GRM7: variants seen among roughly 807,000 people sequenced by gnomAD.
GRM7 encodes the protein glutamate metabotropic receptor 7.
In GRM7, 35 loss-of-function variants were observed where a neutral mutation model predicts 84.5. That is an observed-to-expected ratio of 0.41 (90% CI 0.32 to 0.55). GRM7 has a LOEUF of 0.55. GRM7 is among the 20% of genes least tolerant of loss of function. The probability of loss-of-function intolerance (pLI) is 0.19; values close to 1 mark genes in which losing one functional copy is unlikely to be tolerated. For synonymous variants in GRM7, 487 were observed against 455.1 expected, an observed-to-expected ratio of 1.07 and a Z score of -0.89; for missense variants, 1,003 against 1,194.6, an observed-to-expected ratio of 0.84 and a Z score of 2.36.
intron 1 of GRM7, among the ~76,000 whole-genome samples, chr3:6,911,664 T>G (rs1193446696): frequency 6.6e-6 from 1 of 152,178 alleles, no homozygotes; most frequent in Non-Finnish European, 1.5e-5. Context: ...CAAATCGGAT[T>G]TAAGAAGGGA....
intron 2 of GRM7, among the ~76,000 whole-genome samples, chr3:7,246,895 C>A (rs1697782720): frequency 6.6e-6 from 1 of 152,070 alleles, no homozygotes; most frequent in Non-Finnish European, 1.5e-5. Flanking sequence ...GTAGGATTTA[C>A]AGTACTAGAT....
At chr3:6,872,080 C>T (rs1253507719) in intron 1 of GRM7, among the ~76,000 whole-genome samples, 1 of 151,970 alleles carries the variant, frequency 6.6e-6, no homozygotes, top group African/African-American at 2.4e-5. Flanking sequence ...TGGAAAGAGA[C>T]ATGGAAAGGA....
intron 1 of GRM7, among the ~76,000 whole-genome samples, chr3:7,022,349 A>T (rs1432813152): frequency 7.2e-6 from 1 of 139,484 alleles, no homozygotes; most frequent in African/African-American, 2.7e-5. Flanking sequence ...AATAAAATAT[A>T]TATATATACA....
intron 4 of GRM7, among the ~76,000 whole-genome samples, chr3:7,317,677 A>G (rs1039012566): frequency 3.9e-5 from 6 of 152,066 alleles, no homozygotes; most frequent in Non-Finnish European, 7.4e-5. Context: ...TTGATAGTCT[A>G]TTCTAGTGCT....
chr3:7,020,259 G>C (rs775868605), intron 1 of GRM7, among the ~76,000 whole-genome samples: 3 of 152,206 alleles, frequency 2.0e-5, no homozygotes, highest in Non-Finnish European at 4.4e-5. Context: ...AAACTGAAAA[G>C]CCTGTATACT....
intron 1 of GRM7, among the ~76,000 whole-genome samples, chr3:7,124,430 C>T (rs953277708): frequency 8.5e-5 from 13 of 152,098 alleles, no homozygotes; most frequent in Admixed American, 1.3e-4. Context: ...CGCTTCAACC[C>T]GGGAGGCGGA....
At chr3:6,962,478 T>C (rs1191455513) in intron 1 of GRM7, among the ~76,000 whole-genome samples, 1 of 152,016 alleles carries the variant, frequency 6.6e-6, no homozygotes, top group Admixed American at 6.6e-5. Flanking sequence ...AAAGGAAAAC[T>C]CACTAGCACT....
At chr3:6,910,975 T>TGTA (rs1696748215) in intron 1 of GRM7, among the ~76,000 whole-genome samples, 1 of 152,158 alleles carries the variant, frequency 6.6e-6, no homozygotes, top group South Asian at 2.1e-4. Flanking sequence ...TACCAAGCAC[T>TGTA]GTAATAGCAA....
intron 7 of GRM7, among the ~76,000 whole-genome samples, chr3:7,491,682 C>G (rs192373303): frequency 2.4e-3 from 359 of 152,242 alleles, no homozygotes; most frequent in African/African-American, 8.0e-3. Flanking sequence ...AGTTGGATGC[C>G]AGCTCCTCTA....
chr3:6,993,946 A>T (rs1397924415), intron 1 of GRM7, among the ~76,000 whole-genome samples: 1 of 152,206 alleles, frequency 6.6e-6, no homozygotes, highest in Non-Finnish European at 1.5e-5. Context: ...CACAGGCTGA[A>T]GTTGTACATT....
At chr3:7,242,965 A>G (rs1238783334) in intron 2 of GRM7, among the ~76,000 whole-genome samples, 1 of 152,080 alleles carries the variant, frequency 6.6e-6, no homozygotes, top group East Asian at 1.9e-4. Flanking sequence ...AAGGTAACCT[A>G]TTATAGCTTT....
intron 1 of GRM7, among the ~76,000 whole-genome samples, chr3:6,899,380 C>G (rs1361430552): frequency 6.6e-6 from 1 of 152,062 alleles, no homozygotes; most frequent in Non-Finnish European, 1.5e-5. Context: ...GCATAAAATA[C>G]TTAATTGGAC....
intron 1 of GRM7, among the ~76,000 whole-genome samples, chr3:7,105,144 T>C (rs1699248051): frequency 6.6e-6 from 1 of 151,828 alleles, no homozygotes; most frequent in Non-Finnish European, 1.5e-5. Flanking sequence ...AATATATTCT[T>C]GACTTCATTC....
intron 1 of GRM7, among the ~76,000 whole-genome samples, chr3:7,140,462 A>T (rs1574952936): frequency 6.6e-6 from 1 of 152,012 alleles, no homozygotes; most frequent in Admixed American, 6.6e-5. Flanking sequence ...GGATTTAGAG[A>T]TGTGCTTAAA....
At chr3:7,150,194 A>G (rs1386046520) in intron 2 of GRM7, among the ~76,000 whole-genome samples, 1 of 152,092 alleles carries the variant, frequency 6.6e-6, no homozygotes, top group Non-Finnish European at 1.5e-5. Flanking sequence ...GTTTCTGAAC[A>G]GTTTGACTTT....
chr3:6,877,129 G>T (rs1307407876), intron 1 of GRM7, among the ~76,000 whole-genome samples: 1 of 152,150 alleles, frequency 6.6e-6, no homozygotes, highest in Non-Finnish European at 1.5e-5. Flanking sequence ...AATATATTGA[G>T]TATCTACTAT....
rs192389538 is a variant in GRM7, at chr3:7,430,810, A to G, written c.1174+15647A>G. Among the ~76,000 whole-genome samples, 5 of 152,302 alleles carry G rather than the reference A, an allele frequency of 3.3e-5. No homozygotes were observed. In the East Asian group the frequency reaches 9.7e-4, roughly 29 times the overall value. On this transcript the variant is annotated intron_variant, in intron 5 of 9. Coordinates refer to ENST00000357716, the MANE Select transcript of GRM7 (RefSeq NM_000844.4). The stretch of plus-strand genomic sequence containing the variant: ...CAGAAGATACAGATAGGGTATCCCT[A>G]TGGAGTATAGGGAAGTTTGCTTACT...
chr3:7,457,385 A>G (rs189781245), intron 6 of GRM7, among the ~76,000 whole-genome samples: 3,406 of 152,294 alleles, frequency 0.022, 58 homozygotes, highest in South Asian at 0.035. Flanking sequence ...TCCCAAATCA[A>G]AGCAAAGTCC....
chr3:7,263,246 T>C (rs1422076436), intron 2 of GRM7, among the ~76,000 whole-genome samples: 21 of 152,168 alleles, frequency 1.4e-4, no homozygotes, highest in Admixed American at 1.4e-3. Context: ...GGACTGGTAT[T>C]GGGCCCTGGC....
Sources: gnomAD v4.1 joint callset for allele counts (sites outside exome capture counted in the v4.1 genomes callset) on GRCh38, gnomAD v4.1.1 for gene constraint, MANE v1.5 for transcripts, NCBI Gene and HGNC (gene_info 2026-07-23, HGNC 2026-07-21) for gene names.